The following HNF4G variants were observed in gnomAD, a reference collection of about 807,000 sequenced individuals.
The protein encoded by HNF4G is hepatocyte nuclear factor 4-gamma.
HNF4G carries 21 observed loss-of-function variants against 50.9 expected under a neutral mutation model. The observed-to-expected ratio is 0.41, with a 90% CI of 0.29 to 0.59. The LOEUF (loss-of-function observed/expected upper bound fraction) is 0.59. Ranked by LOEUF, HNF4G falls within the 20% of genes least tolerant of loss-of-function variation. The probability of loss-of-function intolerance (pLI) is 0.26; values close to 1 mark genes in which losing one functional copy is unlikely to be tolerated. For missense variants in HNF4G, 527 were observed against 559.4 expected, an observed-to-expected ratio of 0.94 and a Z score of 0.58; for synonymous variants, 198 against 185.6, an observed-to-expected ratio of 1.07 and a Z score of -0.54.
intron 1 of HNF4G, among the ~76,000 whole-genome samples, chr8:75,475,762 A>G (rs989243395): frequency 6.6e-6 from 1 of 152,090 alleles, no homozygotes; most frequent in Non-Finnish European, 1.5e-5. Flanking sequence ...GAAAATGCCC[A>G]GTTCCCAGCC....
chr8:75,544,035 G>A (rs772634953), intron 2 of HNF4G, 56 bp downstream of exon 2: 25 of 1,440,536 alleles, frequency 1.7e-5, no homozygotes, highest in Non-Finnish European at 2.3e-5. Context: ...AGTTTGGCAC[G>A]CAAAAAGTAA....
At chr8:75,438,726 T>C (rs528108489) in intron 1 of HNF4G, among the ~76,000 whole-genome samples, 10 of 152,228 alleles carry the variant, frequency 6.6e-5, no homozygotes, top group Non-Finnish European at 1.3e-4. Context: ...GTAAAAACAA[T>C]ATATATAAAA....
At chr8:75,417,302 AG>A (rs1810665552) in intron 1 of HNF4G, among the ~76,000 whole-genome samples, 1 of 152,244 alleles carries the variant, frequency 6.6e-6, no homozygotes, top group Non-Finnish European at 1.5e-5. Context: ...CTGGGATTAC[AG>A]GGAGTTAACA....
intron 2 of HNF4G, among the ~76,000 whole-genome samples, chr8:75,514,354 CTTTTTTTTTTTCTTTCT>C (rs1805838187): frequency 8.0e-6 from 1 of 125,034 alleles, no homozygotes; most frequent in Non-Finnish European, 1.6e-5. Flanking sequence ...TTTCTTCTTT[CTTTTTTTTTTTCTTTCT>C]TTTTTTTTTT....
intron 1 of HNF4G, among the ~76,000 whole-genome samples, chr8:75,442,959 T>G (rs1001502556): frequency 2.6e-5 from 4 of 152,204 alleles, no homozygotes; most frequent in Non-Finnish European, 4.4e-5. Flanking sequence ...CTTCGTGATC[T>G]GAATGTTTGC....
chr8:75,491,189 G>A (rs745461575), intron 2 of HNF4G, among the ~76,000 whole-genome samples: 5 of 152,014 alleles, frequency 3.3e-5, no homozygotes, highest in Non-Finnish European at 7.4e-5. Flanking sequence ...TCTATCCCAA[G>A]GATTATTGGA....
intron 2 of HNF4G, among the ~76,000 whole-genome samples, chr8:75,514,647 G>T (rs1372579048): frequency 3.3e-5 from 5 of 151,610 alleles, no homozygotes; most frequent in African/African-American, 1.2e-4. Flanking sequence ...CACTGCACCC[G>T]GCCCATCTTT....
chr8:75,434,919 T>A (rs1369805067), intron 1 of HNF4G, among the ~76,000 whole-genome samples: 1 of 152,204 alleles, frequency 6.6e-6, no homozygotes, highest in Non-Finnish European at 1.5e-5. Context: ...GAACCCATTG[T>A]CAAAAATCTC....
intron 1 of HNF4G, among the ~76,000 whole-genome samples, chr8:75,433,971 T>C (rs1253736909): frequency 6.6e-6 from 1 of 151,068 alleles, no homozygotes; most frequent in Non-Finnish European, 1.5e-5. Flanking sequence ...AAATCAAAAA[T>C]AGACACCTTA....
chr8:75,526,105 A>AATTTATTT (rs34542534), intron 2 of HNF4G, among the ~76,000 whole-genome samples: 6,071 of 143,770 alleles, frequency 0.042, 147 homozygotes, highest in African/African-American at 0.048. Context: ...TACTTGCTCA[A>AATTTATTT]ATTTATTTAT....
At chr8:75,482,295 C>T (rs1030273566) in intron 1 of HNF4G, among the ~76,000 whole-genome samples, 2 of 152,000 alleles carry the variant, frequency 1.3e-5, no homozygotes, top group African/African-American at 4.8e-5. Flanking sequence ...TTTAATGGGA[C>T]CTCCTTGTAT....
At chr8:75,537,434 T>G (rs1479830300), upstream of HNF4G, among the ~76,000 whole-genome samples, 5 of 151,978 alleles carry the variant, frequency 3.3e-5, no homozygotes, top group East Asian at 9.7e-4. Context: ...TTAGTAGAGA[T>G]AGCGTTTTGC....
intron 1 of HNF4G, among the ~76,000 whole-genome samples, chr8:75,426,208 G>A (rs1810887737): frequency 6.6e-6 from 1 of 151,736 alleles, no homozygotes; most frequent in Non-Finnish European, 1.5e-5. Flanking sequence ...GACTTTTATT[G>A]TCATACTGTT....
At chr8:75,466,602 TTC>T in intron 1 of HNF4G, among the ~76,000 whole-genome samples, 1 of 124,780 alleles carries the variant, frequency 8.0e-6, no homozygotes, top group Admixed American at 8.1e-5. Context: ...CCTTCCTTCC[TTC>T]CTTCCTTCCT....
intron 2 of HNF4G, among the ~76,000 whole-genome samples, chr8:75,521,635 T>C (rs1806044760): frequency 6.6e-6 from 1 of 152,208 alleles, no homozygotes; most frequent in African/African-American, 2.4e-5. Context: ...GAGATAAATG[T>C]GTACTGTTAC....
intron 1 of HNF4G, among the ~76,000 whole-genome samples, chr8:75,433,900 TCTTTGA>T (rs552225901): frequency 1.8e-4 from 27 of 152,196 alleles, no homozygotes; most frequent in African/African-American, 5.1e-4. Flanking sequence ...GTAACTATAG[TCTTTGA>T]CTTTAGCACA....
intron 4 of HNF4G, among the ~76,000 whole-genome samples, chr8:75,552,351 C>A (rs1806984065): frequency 6.6e-6 from 1 of 152,136 alleles, no homozygotes; most frequent in Non-Finnish European, 1.5e-5. Context: ...GATACACTCA[C>A]ACGCATGTTC....
chr8:75,487,264 A>G (rs192790097), intron 1 of HNF4G, among the ~76,000 whole-genome samples: 5 of 151,952 alleles, frequency 3.3e-5, no homozygotes, highest in Non-Finnish European at 7.4e-5. Context: ...TTTTTATTTT[A>G]TTTATTTATT....
chr8:75,443,442 T>A (rs759936101), intron 1 of HNF4G, among the ~76,000 whole-genome samples: 1 of 152,206 alleles, frequency 6.6e-6, no homozygotes, highest in Non-Finnish European at 1.5e-5. Flanking sequence ...ATTAAAAGGA[T>A]AACAAGTTAT....
Sources: gnomAD v4.1 joint callset for allele counts (sites outside exome capture counted in the v4.1 genomes callset) on GRCh38, gnomAD v4.1.1 for gene constraint, MANE v1.5 for transcripts, NCBI Gene and HGNC (gene_info 2026-07-23, HGNC 2026-07-21) for gene names.